Variants in TSNARE1 observed in about 807,000 individuals in gnomAD.
TSNARE1 encodes the protein t-SNARE domain containing 1.
TSNARE1 carries 49 observed loss-of-function variants against 62.0 expected under a neutral mutation model. The observed-to-expected ratio is 0.79, with a 90% CI of 0.63 to 1.00. TSNARE1 has a LOEUF of 1.00. Among genes scored for constraint, TSNARE1 ranks in the 50% least tolerant of loss-of-function variants. The probability of loss-of-function intolerance (pLI) is 0.00; values close to 1 mark genes in which losing one functional copy is unlikely to be tolerated. For missense variants in TSNARE1, 755 were observed against 700.1 expected, an observed-to-expected ratio of 1.08 and a Z score of -0.88; for synonymous variants, 328 against 294.4, an observed-to-expected ratio of 1.11 and a Z score of -1.17.
At chr8:142,356,889 C>T (rs976763457) in intron 1 of TSNARE1, among the ~76,000 whole-genome samples, 4 of 152,010 alleles carry the variant, frequency 2.6e-5, no homozygotes, top group Non-Finnish European at 5.9e-5. Context: ...CTCAAAGGAA[C>T]GAGCTCAGAT....
intron 2 of TSNARE1, among the ~76,000 whole-genome samples, chr8:142,348,650 C>T (rs1833697896): frequency 6.8e-6 from 1 of 147,466 alleles, no homozygotes; most frequent in Non-Finnish European, 1.5e-5. Context: ...CCACCCTCCC[C>T]TGGCCCCCGC....
At chr8:142,316,122 C>A (rs914305050) in intron 7 of TSNARE1, among the ~76,000 whole-genome samples, 1 of 146,994 alleles carries the variant, frequency 6.8e-6, no homozygotes, top group African/African-American at 2.4e-5. Flanking sequence ...AGGGACCCAG[C>A]GTGTATTCTT....
intron 1 of TSNARE1, among the ~76,000 whole-genome samples, chr8:142,383,405 G>C (rs1190121589): frequency 2.7e-5 from 4 of 150,190 alleles, no homozygotes; most frequent in Middle Eastern, 3.3e-3. Context: ...TCCTCTGTGG[G>C]AGGCCCCAAG....
At chr8:142,258,373 G>C (rs1039098340) in intron 12 of TSNARE1, among the ~76,000 whole-genome samples, 1 of 152,166 alleles carries the variant, frequency 6.6e-6, no homozygotes, top group African/African-American at 2.4e-5. Flanking sequence ...TACGCTGTAG[G>C]TGGAACTCAG....
chr8:142,376,834 G>A (rs977848216), intron 1 of TSNARE1, among the ~76,000 whole-genome samples: 13 of 152,194 alleles, frequency 8.5e-5, no homozygotes, highest in Admixed American at 6.5e-5. Context: ...TGGACACCCC[G>A]CAGAGAGGCC....
chr8:142,272,995 G>A (rs1252762359), intron 12 of TSNARE1: 3 of 985,456 alleles, frequency 3.0e-6, no homozygotes, highest in Non-Finnish European at 2.4e-6. Context: ...TCGGGAACAG[G>A]AGTGGGACAG....
At chr8:142,370,423 T>C (rs1338477805) in intron 1 of TSNARE1, among the ~76,000 whole-genome samples, 2 of 151,978 alleles carry the variant, frequency 1.3e-5, no homozygotes, top group African/African-American at 2.4e-5. Flanking sequence ...AAAAAATAAA[T>C]TTAAACATTC....
chr8:142,217,303 A>AAGAAAGAAAGAAAG (rs1417182456), intron 13 of TSNARE1, among the ~76,000 whole-genome samples: 8 of 126,644 alleles, frequency 6.3e-5, no homozygotes, highest in Non-Finnish European at 9.7e-5. Flanking sequence ...GAAAGAAAGA[A>AAGAAAGAAAGAAAG]AAAGAAAGAA....
At chr8:142,365,906 C>T (rs1835515983) in intron 1 of TSNARE1, 1 of 453,172 alleles carries the variant, frequency 2.2e-6, no homozygotes, top group African/African-American at 2.0e-5. Context: ...AGTGAAGAGA[C>T]CTACCATGTT....
intron 11 of TSNARE1, chr8:142,277,709 T>C (rs1211942167): frequency 2.0e-6 from 2 of 985,300 alleles, no homozygotes; most frequent in Non-Finnish European, 2.4e-6. Flanking sequence ...AAGACTCCCG[T>C]GCTGCAGGGG....
intron 1 of TSNARE1, among the ~76,000 whole-genome samples, chr8:142,362,632 C>A (rs1441921631): frequency 1.3e-5 from 2 of 152,148 alleles, no homozygotes; most frequent in African/African-American, 4.8e-5. Flanking sequence ...GGAGATCACC[C>A]CCAGATACGG....
Position 142,391,373 on chromosome 8 carries a change from C to T in TSNARE1, c.-40+11731G>A, listed in dbSNP as rs188466444. 2.2e-3 allele frequency among the ~76,000 whole-genome samples: 336 copies of T among 150,896 alleles called. 5 individuals are homozygous for T. The highest frequency in any genetic ancestry group is 7.6e-3 in the African/African-American group (308 of 40,722). ...ACTCTGTAACAGACGCTGTACACTGCGGGAGACTCTGTAACAGATGCTGTA... is the reference window on the plus strand; with the variant it reads ...ACTCTGTAACAGACGCTGTACACTGTGGGAGACTCTGTAACAGATGCTGTA... On this transcript the variant is annotated intron_variant, in intron 1 of 13. Coordinates refer to ENST00000524325, the MANE Select transcript of TSNARE1 (RefSeq NM_145003.5).
chr8:142,232,494 A>C (rs1415640400), intron 12 of TSNARE1, among the ~76,000 whole-genome samples: 1 of 152,210 alleles, frequency 6.6e-6, no homozygotes, highest in Admixed American at 6.5e-5. Context: ...GGGCGGCCGC[A>C]GGGAGGCAAG....
chr8:142,352,275 G>T (rs539261076), intron 2 of TSNARE1, among the ~76,000 whole-genome samples: 3 of 152,206 alleles, frequency 2.0e-5, no homozygotes, highest in Non-Finnish European at 4.4e-5. Context: ...CAATAAACAC[G>T]AAAAGGGGAT....
At chr8:142,256,268 T>C (rs201358595) in intron 12 of TSNARE1, among the ~76,000 whole-genome samples, 3,248 of 41,362 alleles carry the variant, frequency 0.079, 115 homozygotes, top group Admixed American at 0.22. Flanking sequence ...ACCATCACCA[T>C]CACCACCACC....
intron 4 of TSNARE1, among the ~76,000 whole-genome samples, chr8:142,338,884 C>T (rs147400316): frequency 1.4e-3 from 206 of 152,302 alleles, no homozygotes; most frequent in Middle Eastern, 3.4e-3. Flanking sequence ...AGCCCAGGGC[C>T]GGCCCTCCCT....
intron 1 of TSNARE1, among the ~76,000 whole-genome samples, chr8:142,356,628 G>GT (rs1834764595): frequency 6.6e-6 from 1 of 152,202 alleles, no homozygotes; most frequent in South Asian, 2.1e-4. Context: ...ACTTTAACAC[G>GT]TAACAGCATA....
chr8:142,275,496 G>C (rs1052576870), intron 11 of TSNARE1: 15 of 985,310 alleles, frequency 1.5e-5, no homozygotes, highest in Middle Eastern at 5.2e-4. Context: ...GACCAGGGCC[G>C]GGGCAGCCCC....
chr8:142,352,474 A>G (rs1021218593), intron 2 of TSNARE1, among the ~76,000 whole-genome samples: 1 of 152,250 alleles, frequency 6.6e-6, no homozygotes, highest in South Asian at 2.1e-4. Flanking sequence ...CGCCCCGTGT[A>G]CCTGCAGAGG....
Sources: gnomAD v4.1 joint callset for allele counts (sites outside exome capture counted in the v4.1 genomes callset) on GRCh38, gnomAD v4.1.1 for gene constraint, MANE v1.5 for transcripts, NCBI Gene and HGNC (gene_info 2026-07-23, HGNC 2026-07-21) for gene names.